The following PLLP variants were observed in gnomAD, a reference collection of about 807,000 sequenced individuals.
PLLP encodes plasma membrane proteolipid (plasmolipin).
PLLP carries 15 observed loss-of-function variants against 19.7 expected under a neutral mutation model. That is an observed-to-expected ratio of 0.76 (90% CI 0.51 to 1.17). PLLP has a LOEUF of 1.17. Ranked by LOEUF, PLLP falls within the 50% of genes most tolerant of loss-of-function variation. PLLP has a pLI of 0.00. For missense variants in PLLP, 255 were observed against 258.3 expected, an observed-to-expected ratio of 0.99 and a Z score of 0.09; for synonymous variants, 111 against 116.3, an observed-to-expected ratio of 0.95 and a Z score of 0.29.
intron 1 of PLLP, among the ~76,000 whole-genome samples, chr16:57,267,601 G>C (rs1181030684): frequency 4.6e-5 from 7 of 151,226 alleles, no homozygotes; most frequent in Non-Finnish European, 8.8e-5. Flanking sequence ...AACAAGGCCT[G>C]GCATGGTGGA....
chr16:57,284,380 C>T, intron 1 of PLLP, 26 bp downstream of exon 1: 1 of 1,351,342 alleles, frequency 7.4e-7, no homozygotes. Context: ...CCCCGGCCAA[C>T]CCCGTGGGCC....
intron 1 of PLLP, among the ~76,000 whole-genome samples, chr16:57,279,754 C>A (rs1381107811): frequency 1.3e-5 from 2 of 152,086 alleles, no homozygotes; most frequent in African/African-American, 2.4e-5. Flanking sequence ...CTTACTGCAG[C>A]CTTAAACTCC....
In PLLP at chr16:57,256,567, G is replaced by T; in HGVS notation, c.*346C>A. 3 of 264,394 alleles carry T rather than the reference G, an allele frequency of 1.1e-5. No homozygotes were observed. The highest frequency in any genetic ancestry group is 1.4e-5 in the Non-Finnish European group (2 of 139,280). 16.4% of individuals were successfully genotyped at this position (264,394 alleles called of 1,614,324 possible). On this transcript the variant is annotated 3_prime_UTR_variant, in exon 4 of 4. Coordinates refer to ENST00000219207, the MANE Select transcript of PLLP (RefSeq NM_015993.3). ...CTGGGGCTGCAGGTCTGGAGTCCTTGTTAGTGCATTTAGTGCTGGTGAGAA... is the reference window on the plus strand; with the variant it reads ...CTGGGGCTGCAGGTCTGGAGTCCTTTTTAGTGCATTTAGTGCTGGTGAGAA...
intron 1 of PLLP, among the ~76,000 whole-genome samples, chr16:57,282,402 C>T (rs889884322): frequency 1.3e-5 from 2 of 151,674 alleles, no homozygotes; most frequent in Non-Finnish European, 2.9e-5. Flanking sequence ...ACCACCATGC[C>T]TGGCTATTTT....
At chr16:57,274,986 C>T (rs1901131751) in intron 1 of PLLP, among the ~76,000 whole-genome samples, 1 of 152,002 alleles carries the variant, frequency 6.6e-6, no homozygotes, top group African/African-American at 2.4e-5. Flanking sequence ...TGGTCTCAAT[C>T]TCCTGACCTC....
chr16:57,280,196 T>C (rs1200253975), intron 1 of PLLP, among the ~76,000 whole-genome samples: 2 of 152,190 alleles, frequency 1.3e-5, no homozygotes, highest in Non-Finnish European at 2.9e-5. Context: ...GAAGCATAGC[T>C]AGAGCCAGGT....
At position 57,258,485 on chromosome 16, in the gene PLLP, A is replaced by G; in HGVS notation, c.409T>C (p.Tyr137His). 6.2e-7 allele frequency: 1 copy of G among 1,612,502 alleles called. No homozygotes were observed. The highest frequency in any genetic ancestry group is 8.5e-7 in the Non-Finnish European group (1 of 1,179,942). ...DLTSLRGTRPYNQRAAASFFA... is the reference protein window; with the variant it reads ...DLTSLRGTRPHNQRAAASFFA... Reference sequence around the variant, plus strand: ...ACCGAGGCAGCCGCGCGCTGGTTATAAGGCCGGGTGCCCCTCAGGGATGTC... The same window carrying G: ...ACCGAGGCAGCCGCGCGCTGGTTATGAGGCCGGGTGCCCCTCAGGGATGTC... The change falls in exon 3 of 4, where the codon TAT becomes CAT. Residue 137 changes from tyrosine (Y) to histidine (H), a missense_variant. By Grantham distance (83) the Tyr-to-His change is moderately conservative. Transcript: ENST00000219207.
chr16:57,258,817 A>G (rs2075433815), intron 2 of PLLP, among the ~76,000 whole-genome samples: 1 of 142,282 alleles, frequency 7.0e-6, no homozygotes, highest in Non-Finnish European at 1.5e-5. Context: ...GCTACTTGGG[A>G]GGCTGAGATG....
intron 1 of PLLP, among the ~76,000 whole-genome samples, chr16:57,273,767 TCAACAG>T (rs1567531980): frequency 6.6e-6 from 1 of 152,130 alleles, no homozygotes; most frequent in Admixed American, 6.6e-5. Context: ...CCCTGCCAGG[TCAACAG>T]CAACAGCAAC....
chr16:57,267,875 CAAAA>C (rs71152241), intron 1 of PLLP, among the ~76,000 whole-genome samples: 2 of 65,676 alleles, frequency 3.0e-5, no homozygotes, highest in East Asian at 3.5e-4. Flanking sequence ...AACTCCGTCT[CAAAA>C]AAAAAAAAAA....
intron 1 of PLLP, among the ~76,000 whole-genome samples, chr16:57,281,982 C>A (rs1901224886): frequency 6.6e-6 from 1 of 152,158 alleles, no homozygotes; most frequent in Admixed American, 6.5e-5. Context: ...TTACAGGACT[C>A]CTGGCAAGTC....
At chr16:57,259,695 C>T (rs1288819996) in intron 2 of PLLP, among the ~76,000 whole-genome samples, 15 of 152,258 alleles carry the variant, frequency 9.9e-5, no homozygotes, top group Non-Finnish European at 1.5e-5. Context: ...AAAATCTTGG[C>T]CGGGTGCAGT....
At chr16:57,264,519 C>T (rs1343292163) in intron 1 of PLLP, among the ~76,000 whole-genome samples, 2 of 152,246 alleles carry the variant, frequency 1.3e-5, no homozygotes, top group African/African-American at 4.8e-5. Flanking sequence ...GAGACCAGAA[C>T]CCTGCCCTGC....
At chr16:57,261,053 T>C (rs2075440249) in intron 2 of PLLP, among the ~76,000 whole-genome samples, 1 of 151,574 alleles carries the variant, frequency 6.6e-6, no homozygotes, top group African/African-American at 2.4e-5. Flanking sequence ...AATGGTGTGA[T>C]CTCGGCTCAC....
intron 1 of PLLP, among the ~76,000 whole-genome samples, chr16:57,263,763 C>T (rs77467064): frequency 0.046 from 6,900 of 149,834 alleles, 437 homozygotes; most frequent in South Asian, 0.27. Flanking sequence ...CTCTGGAGAG[C>T]GCCTTCTCCA....
At chr16:57,271,217 G>C (rs1024468009) in intron 1 of PLLP, among the ~76,000 whole-genome samples, 10 of 151,750 alleles carry the variant, frequency 6.6e-5, no homozygotes, top group Non-Finnish European at 1.0e-4. Flanking sequence ...GAGCTGAGCC[G>C]CCCCTGGACC....
intron 1 of PLLP, among the ~76,000 whole-genome samples, chr16:57,264,134 G>A (rs769663662): frequency 2.6e-5 from 4 of 152,062 alleles, no homozygotes; most frequent in Non-Finnish European, 5.9e-5. Flanking sequence ...AAGCAACCTC[G>A]TCGAGGACCA....
intron 1 of PLLP, among the ~76,000 whole-genome samples, chr16:57,266,949 C>G (rs748207806): frequency 2.8e-5 from 4 of 141,238 alleles, no homozygotes; most frequent in Non-Finnish European, 4.5e-5. Context: ...ACTACAGTGT[C>G]AAAAACGACC....
intron 1 of PLLP, among the ~76,000 whole-genome samples, chr16:57,277,654 C>T (rs1285152744): frequency 1.3e-5 from 2 of 152,182 alleles, no homozygotes; most frequent in Non-Finnish European, 2.9e-5. Context: ...AAGATGGACA[C>T]AGCTTGCTGT....
Sources: gnomAD v4.1 joint callset for allele counts (sites outside exome capture counted in the v4.1 genomes callset) on GRCh38, gnomAD v4.1.1 for gene constraint, MANE v1.5 for transcripts, NCBI Gene and HGNC (gene_info 2026-07-23, HGNC 2026-07-21) for gene names.